The following SLC24A3 variants were observed in gnomAD, a reference collection of about 807,000 sequenced individuals.
SLC24A3 encodes the protein sodium/potassium/calcium exchanger 3.
SLC24A3 carries 28 observed loss-of-function variants against 75.8 expected under a neutral mutation model. The observed-to-expected ratio is 0.37, with a 90% confidence interval of 0.27 to 0.51. SLC24A3 has a LOEUF of 0.51. SLC24A3 is among the 20% of genes least tolerant of loss of function. The pLI is 0.94. For missense variants in SLC24A3, 663 were observed against 847.8 expected (o/e 0.78, Z 2.71); for synonymous variants, 372 against 334.1 (o/e 1.11, Z -1.24).
intron 2 of SLC24A3, among the ~76,000 whole-genome samples, chr20:19,496,014 C>T (rs185242165): frequency 2.6e-4 from 40 of 152,254 alleles, no homozygotes; most frequent in Non-Finnish European, 4.9e-4. Context: ...ATGTCTGGAA[C>T]GTGTTCAAGC....
chr20:19,244,495 C>T (rs1407237551), intron 1 of SLC24A3, among the ~76,000 whole-genome samples: 1 of 152,144 alleles, frequency 6.6e-6, no homozygotes, highest in Admixed American at 6.5e-5. Flanking sequence ...GGCAAAGTCC[C>T]AGCGCTGGGC....
chr20:19,716,120 G>A (rs1568709355), intron 15 of SLC24A3, among the ~76,000 whole-genome samples: 1 of 152,132 alleles, frequency 6.6e-6, no homozygotes, highest in African/African-American at 2.4e-5. Context: ...AGGAGTTCTG[G>A]GTGGGGCCTG....
At chr20:19,596,916 C>T (rs560077834) in intron 6 of SLC24A3, among the ~76,000 whole-genome samples, 296 of 152,300 alleles carry the variant, frequency 1.9e-3, no homozygotes, top group African/African-American at 6.6e-3. Context: ...CCCCTTTCCC[C>T]GCCCATCTTA....
rs547086925 is a variant in SLC24A3, at chr20:19,585,000, G to C, written c.453G>C (p.Gly151=). Residue 151 remains glycine (G), a synonymous_variant, in exon 5 of 17, where the codon GGG becomes GGC. Coordinates refer to ENST00000328041, the MANE Select transcript of SLC24A3 (RefSeq NM_020689.4). ...TGCACCTCAGTGAAGATGTGGCTGG[G>C]GCCACATTCATGGCAGCGGGAAGTT... The part of the protein sequence containing the change: ...ERLHLSEDVA[G]ATFMAAGSSA... 3.1e-4 allele frequency: 498 copies of C among 1,613,792 alleles called. 8 individuals are homozygous for C. The South Asian group carries it at 5.3e-3, about 17-fold the overall frequency.
intron 2 of SLC24A3, among the ~76,000 whole-genome samples, chr20:19,309,446 G>A (rs1249275412): frequency 1.3e-5 from 2 of 152,166 alleles, no homozygotes; most frequent in Non-Finnish European, 2.9e-5. Flanking sequence ...CAGCCTGGAA[G>A]TGTCAACACC....
chr20:19,443,687 G>A (rs766367972), intron 2 of SLC24A3, among the ~76,000 whole-genome samples: 5 of 152,018 alleles, frequency 3.3e-5, no homozygotes, highest in Non-Finnish European at 7.4e-5. Flanking sequence ...TATTACATTG[G>A]ATAGGACTTT....
chr20:19,535,320 C>A (rs1356680308), intron 3 of SLC24A3, among the ~76,000 whole-genome samples: 1 of 152,206 alleles, frequency 6.6e-6, no homozygotes, highest in African/African-American at 2.4e-5. Flanking sequence ...CTGCCTTTCT[C>A]ATGTTTCTGT....
At chr20:19,424,696 T>C (rs1168292819) in intron 2 of SLC24A3, among the ~76,000 whole-genome samples, 1 of 129,248 alleles carries the variant, frequency 7.7e-6, no homozygotes, top group African/African-American at 2.9e-5. Context: ...GCCACAGCAC[T>C]CCAGCCTGGG....
intron 1 of SLC24A3, among the ~76,000 whole-genome samples, chr20:19,218,214 G>C (rs1240585752): frequency 6.6e-6 from 1 of 152,206 alleles, no homozygotes; most frequent in Non-Finnish European, 1.5e-5. Flanking sequence ...AGCTGACATG[G>C]ATTTTATTGT....
rs367781560 is a variant in SLC24A3 at position 19,546,158 on chromosome 20, C to CAAAAAAAAAAAAAAAAAAAAAA, written c.348+30603_348+30624dup. Among the ~76,000 whole-genome samples the CAAAAAAAAAAAAAAAAAAAAAA allele has an allele frequency of 2.4e-4, 11 of 46,750 alleles. 1 individual carries two copies. The highest frequency in any genetic ancestry group is 7.9e-4 in the Admixed American group (2 of 2,518). 30.7% of individuals were successfully genotyped at this position (46,750 alleles called of 152,430 possible). Reference sequence around the variant, plus strand: ...TGGGCGACAGAGCGAGACTCCGTCTCAAAAAAAAAAAAAAAAAAAAAAAAA... The same window carrying CAAAAAAAAAAAAAAAAAAAAAA: ...TGGGCGACAGAGCGAGACTCCGTCTCAAAAAAAAAAAAAAAAAAAAAAAAAAAAAAAAAAAAAAAAAAAAAAA... On this transcript the variant is annotated intron_variant, in intron 3 of 16. Coordinates refer to ENST00000328041, the MANE Select transcript of SLC24A3 (RefSeq NM_020689.4).
At chr20:19,501,311 T>TA (rs1279477024) in intron 2 of SLC24A3, among the ~76,000 whole-genome samples, 2 of 152,308 alleles carry the variant, frequency 1.3e-5, no homozygotes, top group African/African-American at 2.4e-5. Context: ...CTTTCTTCCA[T>TA]AAAAAAAGTA....
chr20:19,713,896 A>G (rs1285041071), intron 15 of SLC24A3, among the ~76,000 whole-genome samples: 1 of 152,196 alleles, frequency 6.6e-6, no homozygotes, highest in African/African-American at 2.4e-5. Flanking sequence ...ATGACCAAGA[A>G]GAGATTCAAA....
At position 19,440,993 on chromosome 20, in the gene SLC24A3, C is replaced by G. The variant is rs548220514; in HGVS notation, c.272-74495C>G. Among the ~76,000 whole-genome samples the G allele has an allele frequency of 6.6e-5, 10 of 152,030 alleles. No individual in the cohort carries two copies. In the East Asian group the frequency reaches 1.8e-3, roughly 27 times the overall value. On this transcript the variant is annotated intron_variant, in intron 2 of 16. Coordinates refer to ENST00000328041, the MANE Select transcript of SLC24A3 (RefSeq NM_020689.4). ...TGTATTCTCTGAGTGGGAAGCAGGC[C>G]GGATCCTGAGAGTTCGTAATCATTG...
chr20:19,560,654 A>C (rs1160910195), intron 3 of SLC24A3, among the ~76,000 whole-genome samples: 1 of 152,210 alleles, frequency 6.6e-6, no homozygotes, highest in African/African-American at 2.4e-5. Flanking sequence ...TGTCTGGTGC[A>C]AAGTTGATGA....
At chr20:19,474,987 G>C (rs1987938434) in intron 2 of SLC24A3, among the ~76,000 whole-genome samples, 1 of 152,102 alleles carries the variant, frequency 6.6e-6, no homozygotes, top group African/African-American at 2.4e-5. Context: ...TATGAAAAAG[G>C]CTCTCTGACA....
intron 6 of SLC24A3, among the ~76,000 whole-genome samples, chr20:19,596,023 GTGCTC>G (rs2031448108): frequency 6.6e-6 from 1 of 152,204 alleles, no homozygotes; most frequent in African/African-American, 2.4e-5. Context: ...ATGGCTGGGA[GTGCTC>G]AGAGAGGTGG....
chr20:19,402,005 C>T (rs1986559941), intron 2 of SLC24A3, among the ~76,000 whole-genome samples: 1 of 152,182 alleles, frequency 6.6e-6, no homozygotes, highest in African/African-American at 2.4e-5. Context: ...CATTGCTTGC[C>T]CTTAAATCCT....
chr20:19,587,044 G>A (rs2031308131), intron 6 of SLC24A3, among the ~76,000 whole-genome samples: 1 of 152,122 alleles, frequency 6.6e-6, no homozygotes, highest in Non-Finnish European at 1.5e-5. Context: ...ACCTGCTTGT[G>A]GCCTTCCACA....
intron 15 of SLC24A3, 62 bp downstream of exon 15, chr20:19,698,742 C>A: frequency 7.8e-7 from 1 of 1,281,746 alleles, no homozygotes; most frequent in Non-Finnish European, 1.1e-6. Flanking sequence ...GTTTTAACAG[C>A]CTTGGCCACA....
Sources: allele counts gnomAD v4.1 joint callset (sites outside exome capture counted in the v4.1 genomes callset), GRCh38; gene constraint gnomAD v4.1.1; transcripts MANE v1.5; gene names NCBI Gene and HGNC (gene_info 2026-07-23, HGNC 2026-07-21).